Variants in CENPS observed in about 807,000 individuals in gnomAD.
CENPS encodes centromere protein S.
A neutral mutation model predicts 17.9 loss-of-function variants in CENPS; 16 were observed. The observed-to-expected ratio is 0.90, with a 90% CI of 0.61 to 1.36. CENPS has a LOEUF of 1.36. CENPS is among the 40% of genes most tolerant of loss of function. CENPS has a pLI of 0.00. For synonymous variants in CENPS, 49 were observed against 55.8 expected (o/e 0.88, Z 0.54); for missense variants, 160 against 158.6 (o/e 1.01, Z -0.05).
At chr1:10,439,856 C>T (rs2124284622) in intron 3 of CENPS, among the ~76,000 whole-genome samples, 1 of 152,252 alleles carries the variant, frequency 6.6e-6, no homozygotes, top group South Asian at 2.1e-4. Context: ...ATGCTTTTTC[C>T]TGTTAAGTTA....
At chr1:10,433,811 A>G in intron 1 of CENPS, 31 bp from the exon 2 acceptor site, 1 of 1,613,612 alleles carries the variant, frequency 6.2e-7, no homozygotes, top group African/African-American at 1.3e-5. Flanking sequence ...TTGCAGCCTT[A>G]CCCGTGAAAT....
chr1:10,430,742 G>A (rs144221737), intron 1 of CENPS, 174 bp downstream of exon 1: 17,659 of 1,404,132 alleles, frequency 0.013, 358 homozygotes, highest in East Asian at 0.1. Flanking sequence ...GGCGGTTTCC[G>A]CGGCAACGCG....
intron 4 of CENPS, 35 bp downstream of exon 4, chr1:10,440,448 C>T (rs759294094): frequency 1.1e-5 from 17 of 1,610,392 alleles, no homozygotes; most frequent in Non-Finnish European, 1.4e-5. Flanking sequence ...CTCCCCTTTC[C>T]CATCGGAATA....
At chr1:10,434,572 C>T (rs1268485722) in intron 2 of CENPS, 85 bp from the exon 3 acceptor site, 1 of 1,585,788 alleles carries the variant, frequency 6.3e-7, no homozygotes, top group Admixed American at 1.8e-5. Context: ...ACTGTACTGG[C>T]TGTAGAAATC....
intron 1 of CENPS, among the ~76,000 whole-genome samples, chr1:10,432,402 A>G (rs1639960681): frequency 6.6e-6 from 1 of 152,172 alleles, no homozygotes; most frequent in Non-Finnish European, 1.5e-5. Flanking sequence ...AGTCCCTAGA[A>G]CAGAGCCTGG....
At position 10,442,688 on chromosome 1, in the gene CENPS, T is replaced by G. The variant is rs1640466876; in HGVS notation, c.*283T>G. ...TATTAGAAATTACATCTGTTGTAAT[T>G]AAAATTGTGTGAGCAATTAAACATG... On this transcript the variant is annotated 3_prime_UTR_variant, in exon 5 of 5. Coordinates refer to ENST00000309048, the MANE Select transcript of CENPS (RefSeq NM_199294.3). 3.2e-6 allele frequency: 1 copy of G among 313,062 alleles called. No individual in the cohort carries two copies. Among genetic ancestry groups the G allele is most frequent in the South Asian group, 1.5e-4 (1 of 6,678 alleles). 19.4% of individuals were successfully genotyped at this position (313,062 alleles called of 1,614,324 possible). A position where few individuals can be genotyped will look rare whatever the true frequency, so the allele number is the denominator to read the frequency against.
At chr1:10,431,013 G>A in intron 1 of CENPS, 1 of 1,311,418 alleles carries the variant, frequency 7.6e-7, no homozygotes, top group Non-Finnish European at 9.7e-7. Flanking sequence ...GGGACGCGGT[G>A]CGGACCAGTC....
intron 1 of CENPS, 82 bp from the exon 2 acceptor site, chr1:10,433,760 T>A (rs1410791322): frequency 6.3e-7 from 1 of 1,592,852 alleles, no homozygotes; most frequent in African/African-American, 1.3e-5. Context: ...GAGCAGACCC[T>A]CTCCTTGGTC....
intron 1 of CENPS, 27 bp from the exon 2 acceptor site, chr1:10,433,815 G>A (rs373326304): frequency 6.8e-6 from 11 of 1,613,466 alleles, no homozygotes; most frequent in East Asian, 2.2e-5. Flanking sequence ...AGCCTTACCC[G>A]TGAAATATTT....
intron 4 of CENPS, 124 bp downstream of exon 4, chr1:10,440,537 C>T (rs1405581139): frequency 8.9e-6 from 11 of 1,236,352 alleles, no homozygotes; most frequent in African/African-American, 1.6e-5. Context: ...GGTGGCTGAA[C>T]CATTCAGACC....
intron 3 of CENPS, among the ~76,000 whole-genome samples, chr1:10,436,835 A>G (rs1457464537): frequency 2.0e-5 from 3 of 152,022 alleles, no homozygotes; most frequent in Non-Finnish European, 4.4e-5. Flanking sequence ...GCAGGGAAGC[A>G]CCCCCTCTTC....
intron 3 of CENPS, among the ~76,000 whole-genome samples, chr1:10,438,559 G>A (rs1182490521): frequency 6.6e-6 from 1 of 152,146 alleles, no homozygotes; most frequent in Non-Finnish European, 1.5e-5. Flanking sequence ...GGAAACTTTT[G>A]GGAATCGTCT....
chr1:10,435,829 C>T (rs1440324183), intron 3 of CENPS, among the ~76,000 whole-genome samples: 1 of 151,938 alleles, frequency 6.6e-6, no homozygotes, highest in Non-Finnish European at 1.5e-5. Flanking sequence ...CTGCCTTGGG[C>T]TCCCAAAGTG....
chr1:10,433,206 C>T (rs975057690), intron 1 of CENPS, among the ~76,000 whole-genome samples: 2 of 152,154 alleles, frequency 1.3e-5, no homozygotes, highest in African/African-American at 4.8e-5. Flanking sequence ...TCATCCTCCC[C>T]TCTCGGTAAT....
intron 1 of CENPS, 36 bp from the exon 2 acceptor site, chr1:10,433,806 G>A (rs753409319): frequency 6.2e-7 from 1 of 1,613,256 alleles, no homozygotes; most frequent in Non-Finnish European, 8.5e-7. Flanking sequence ...CTTATTTGCA[G>A]CCTTACCCGT....
In CENPS at chr1:10,434,640, T is replaced by A. The variant is rs1387822414; in HGVS notation, c.176-17T>A. 1 of 1,598,748 alleles carries A rather than the reference T, an allele frequency of 6.3e-7. No homozygotes were observed. Among genetic ancestry groups the A allele is most frequent in the Admixed American group, 1.8e-5 (1 of 55,082 alleles). The stretch of plus-strand genomic sequence containing the variant: ...TGGGAGGGTGCCTAAAGTGTGTATC[T>A]TTTTTTTCTCTTTCAGAAAATTTTG... On this transcript the variant is annotated splice_polypyrimidine_tract_variant and intron_variant, in intron 2 of 4. Transcript: ENST00000309048.
At chr1:10,431,392 C>T (rs1480383216) in intron 1 of CENPS, 2 of 1,535,346 alleles carry the variant, frequency 1.3e-6, no homozygotes, top group Middle Eastern at 1.7e-4. Context: ...AGAAAAGTTG[C>T]AAGAACACGG....
At chr1:10,434,292 G>T (rs956004114) in intron 2 of CENPS, among the ~76,000 whole-genome samples, 3 of 151,968 alleles carry the variant, frequency 2.0e-5, no homozygotes, top group Admixed American at 6.6e-5. Context: ...TAGTTTCTTT[G>T]ACAGCTGAGC....
At chr1:10,441,765 A>G (rs748116441) in intron 4 of CENPS, among the ~76,000 whole-genome samples, 17 of 150,982 alleles carry the variant, frequency 1.1e-4, no homozygotes, top group Non-Finnish European at 2.1e-4. Context: ...AGCTGGGCCT[A>G]CAGGCACCCA....
Sources: allele counts gnomAD v4.1 joint callset (sites outside exome capture counted in the v4.1 genomes callset), GRCh38; gene constraint gnomAD v4.1.1; transcripts MANE v1.5; gene names NCBI Gene and HGNC (gene_info 2026-07-23, HGNC 2026-07-21).